CFAP47: variants seen among roughly 807,000 people sequenced by gnomAD.
The protein encoded by CFAP47 is cilia- and flagella-associated protein 47.
In CFAP47, 29 loss-of-function variants were observed where a neutral mutation model predicts 148.1. The ratio of observed to expected loss-of-function variants is 0.20; its 90% CI spans 0.15 to 0.27. CFAP47 has a LOEUF of 0.27. Among genes scored for constraint, CFAP47 ranks in the 10% least tolerant of loss-of-function variants. The probability of loss-of-function intolerance (pLI) is 1.00; values close to 1 mark genes in which losing one functional copy is unlikely to be tolerated. For synonymous variants in CFAP47, 664 were observed against 577.3 expected (o/e 1.15, Z -2.15); for missense variants, 1,872 against 1,697.5 (o/e 1.10, Z -1.81).
intron 8 of CFAP47, among the ~76,000 whole-genome samples, chrX:35,958,036 C>T (rs1325027075): frequency 9.0e-6 from 1 of 111,386 alleles, no homozygotes; most frequent in Non-Finnish European, 1.9e-5. Flanking sequence ...AACAGTCATT[C>T]CCCTTCTCCT....
intron 48 of CFAP47, among the ~76,000 whole-genome samples, chrX:36,240,607 A>G (rs1449287498): frequency 1.8e-5 from 2 of 111,030 alleles, no homozygotes; most frequent in Non-Finnish European, 3.8e-5. Context: ...ATAAAGAAAA[A>G]TGAACAGAAC....
chrX:36,065,005 C>A (rs1166995970), intron 26 of CFAP47, among the ~76,000 whole-genome samples: 1 of 111,621 alleles, frequency 9.0e-6, no homozygotes, highest in Non-Finnish European at 1.9e-5. Context: ...GAAGGACAAA[C>A]AGAAAACAAA....
At chrX:36,277,555 A>G (rs1403885270) in intron 49 of CFAP47, among the ~76,000 whole-genome samples, 1 of 112,554 alleles carries the variant, frequency 8.9e-6, no homozygotes, top group African/African-American at 3.2e-5. Context: ...TTGTGACTCA[A>G]TAAACACAAA....
At chrX:36,260,878 T>C (rs1352727307) in intron 49 of CFAP47, among the ~76,000 whole-genome samples, 1 of 111,650 alleles carries the variant, frequency 9.0e-6, no homozygotes, top group Admixed American at 9.5e-5. Flanking sequence ...AGTTCCTTTT[T>C]GTGTATGGTG....
At chrX:36,259,741 A>G (rs2146929050) in intron 49 of CFAP47, among the ~76,000 whole-genome samples, 1 of 110,859 alleles carries the variant, frequency 9.0e-6, no homozygotes, top group Non-Finnish European at 1.9e-5. Context: ...TTCAGGGAGT[A>G]CATGTGCAAG....
At chrX:35,934,323 A>C (rs1935877592) in intron 2 of CFAP47, among the ~76,000 whole-genome samples, 1 of 110,723 alleles carries the variant, frequency 9.0e-6, no homozygotes. Flanking sequence ...GAGGCGCCTC[A>C]CCCTATGGCC....
intron 40 of CFAP47, among the ~76,000 whole-genome samples, chrX:36,183,399 A>T (rs1325649212): frequency 8.9e-6 from 1 of 111,866 alleles, no homozygotes; most frequent in African/African-American, 3.2e-5. Flanking sequence ...GACATGTAGC[A>T]TTAGCAAGAA....
At chrX:36,144,426 G>C (rs1207847540) in intron 35 of CFAP47, 1 of 707,651 alleles carries the variant, frequency 1.4e-6, no homozygotes, top group Admixed American at 5.2e-5. Context: ...ATGTTTTAAA[G>C]TAATTCAATA....
chrX:35,975,973 G>T, intron 15 of CFAP47, 60 bp downstream of exon 15: 1 of 1,120,583 alleles, frequency 8.9e-7, no homozygotes, highest in South Asian at 1.9e-5. Context: ...CATGTATTCT[G>T]GTATTAATTA....
intron 33 of CFAP47, among the ~76,000 whole-genome samples, chrX:36,129,295 T>A (rs886416310): frequency 2.7e-5 from 3 of 111,119 alleles, no homozygotes; most frequent in Non-Finnish European, 5.7e-5. Flanking sequence ...TGTTTTCTTT[T>A]TATTTTCAAT....
At chrX:36,076,501 C>T (rs1263145519) in intron 29 of CFAP47, among the ~76,000 whole-genome samples, 1 of 110,140 alleles carries the variant, frequency 9.1e-6, no homozygotes, top group Non-Finnish European at 1.9e-5. Context: ...ATGTTGAGCA[C>T]TTTTTCATAT....
At chrX:36,324,822 A>AT (rs1183482828) in intron 57 of CFAP47, among the ~76,000 whole-genome samples, 3 of 111,070 alleles carry the variant, frequency 2.7e-5, no homozygotes, top group South Asian at 7.5e-4. Flanking sequence ...TATGAAATCC[A>AT]TTTTTTTTCT....
At chrX:36,233,570 T>C (rs1395677513) in intron 46 of CFAP47, among the ~76,000 whole-genome samples, 1 of 111,870 alleles carries the variant, frequency 8.9e-6, no homozygotes, top group African/African-American at 3.3e-5. Flanking sequence ...CTTTATCCAA[T>C]TTGCCAGTCA....
At chrX:35,979,313 A>G (rs1163994264) in intron 15 of CFAP47, among the ~76,000 whole-genome samples, 1 of 110,347 alleles carries the variant, frequency 9.1e-6, no homozygotes, top group Non-Finnish European at 1.9e-5. Context: ...ACAGAATTCA[A>G]TTCTAATTTG....
At chrX:36,222,610 C>T (rs1322636823) in intron 45 of CFAP47, among the ~76,000 whole-genome samples, 2 of 108,881 alleles carry the variant, frequency 1.8e-5, no homozygotes, top group South Asian at 3.8e-4. Flanking sequence ...CCTGAGTGGA[C>T]CATATTACAA....
At chrX:35,924,659 T>G (rs1300924805) in intron 1 of CFAP47, among the ~76,000 whole-genome samples, 2 of 110,234 alleles carry the variant, frequency 1.8e-5, no homozygotes, top group African/African-American at 6.6e-5. Flanking sequence ...TTGTTCTTCC[T>G]TTTTTCTGTA....
chrX:36,022,535 G>C (rs141889682), intron 22 of CFAP47, among the ~76,000 whole-genome samples: 3 of 111,085 alleles, frequency 2.7e-5, no homozygotes, highest in Admixed American at 1.9e-4. Context: ...GAAGTTCTTT[G>C]TTATTATCCT....
intron 57 of CFAP47, among the ~76,000 whole-genome samples, chrX:36,320,580 A>T (rs12006560): frequency 0.043 from 4,798 of 111,862 alleles, 248 homozygotes; most frequent in African/African-American, 0.15. Flanking sequence ...GTGTTTCAAA[A>T]TTTTTCTTTC....
At chrX:36,083,310 T>C (rs2146774217) in intron 29 of CFAP47, among the ~76,000 whole-genome samples, 1 of 110,379 alleles carries the variant, frequency 9.1e-6, no homozygotes, top group African/African-American at 3.3e-5. Flanking sequence ...TATATGTGTA[T>C]ATGTACTTAT....
Sources: allele counts gnomAD v4.1 joint callset (sites outside exome capture counted in the v4.1 genomes callset), GRCh38; gene constraint gnomAD v4.1.1; transcripts MANE v1.5; gene names NCBI Gene and HGNC (gene_info 2026-07-23, HGNC 2026-07-21).